Variants in RSRC1 observed in about 807,000 individuals in gnomAD.
RSRC1 encodes arginine and serine rich coiled-coil 1.
A neutral mutation model predicts 49.1 loss-of-function variants in RSRC1; 39 were observed. The observed-to-expected ratio is 0.79, with a 90% CI of 0.61 to 1.04. RSRC1 has a LOEUF of 1.04. Among genes scored for constraint, RSRC1 ranks in the 50% least tolerant of loss-of-function variants. The pLI, the probability that RSRC1 is intolerant of heterozygous loss-of-function variation, is 0.00. For synonymous variants in RSRC1, 143 were observed against 130.8 expected, an observed-to-expected ratio of 1.09 and a Z score of -0.63; for missense variants, 388 against 402.4, an observed-to-expected ratio of 0.96 and a Z score of 0.31.
chr3:158,511,626 G>C (rs2108474124), intron 7 of RSRC1, among the ~76,000 whole-genome samples: 1 of 152,182 alleles, frequency 6.6e-6, no homozygotes, highest in East Asian at 1.9e-4. Flanking sequence ...ATAGTCCTTT[G>C]GCTATATACC....
intron 3 of RSRC1, among the ~76,000 whole-genome samples, chr3:158,143,561 G>A (rs886082080): frequency 4.6e-5 from 7 of 152,038 alleles, no homozygotes; most frequent in African/African-American, 1.7e-4. Flanking sequence ...GATTGTATAT[G>A]ACTAGGTTCA....
chr3:158,378,281 C>T (rs1382725677), intron 6 of RSRC1, among the ~76,000 whole-genome samples: 5 of 151,996 alleles, frequency 3.3e-5, no homozygotes, highest in Non-Finnish European at 7.4e-5. Context: ...TTGGGTGGGA[C>T]CTTAAAAATA....
intron 3 of RSRC1, among the ~76,000 whole-genome samples, chr3:158,177,631 C>T (rs1308006131): frequency 6.6e-6 from 1 of 151,486 alleles, no homozygotes; most frequent in Non-Finnish European, 1.5e-5. Flanking sequence ...CATCACACAC[C>T]AGGGCCTGTC....
chr3:158,353,995 C>CTTCTTT (rs1731015929), intron 5 of RSRC1, among the ~76,000 whole-genome samples: 9 of 96,302 alleles, frequency 9.3e-5, no homozygotes, highest in Non-Finnish European at 1.2e-4. Context: ...GTTTCTTTTT[C>CTTCTTT]TTTTTTTTTT....
In RSRC1 at chr3:158,397,036, C is replaced by T. The variant is rs546401339; in HGVS notation, c.583+42128C>T. On this transcript the variant is annotated intron_variant, in intron 6 of 9. Transcript: ENST00000611884. ...TTATTTTACCCACAACAGTGTACCACCTTCATACTCATATTCTTTTGTCTA... is the reference window on the plus strand; with the variant it reads ...TTATTTTACCCACAACAGTGTACCATCTTCATACTCATATTCTTTTGTCTA... 9.2e-5 allele frequency among the ~76,000 whole-genome samples: 14 copies of T among 152,182 alleles called. No homozygotes were observed. The South Asian group carries it at 2.7e-3, about 29-fold the overall frequency.
intron 6 of RSRC1, among the ~76,000 whole-genome samples, chr3:158,434,317 T>G (rs1735930759): frequency 6.6e-6 from 1 of 152,038 alleles, no homozygotes; most frequent in South Asian, 2.1e-4. Context: ...TCAATTTTTC[T>G]AATTCTTTAT....
intron 6 of RSRC1, among the ~76,000 whole-genome samples, chr3:158,382,649 A>T (rs1578410549): frequency 6.6e-6 from 1 of 152,206 alleles, no homozygotes; most frequent in Non-Finnish European, 1.5e-5. Flanking sequence ...TTTCTCAGCA[A>T]AAATACCCGG....
At chr3:158,453,031 A>G (rs1354981677) in intron 6 of RSRC1, among the ~76,000 whole-genome samples, 1 of 151,964 alleles carries the variant, frequency 6.6e-6, no homozygotes, top group Non-Finnish European at 1.5e-5. Context: ...TTGCTTTTTT[A>G]TTTAATATTT....
At chr3:158,320,041 C>T (rs1278010944) in intron 5 of RSRC1, among the ~76,000 whole-genome samples, 1 of 152,144 alleles carries the variant, frequency 6.6e-6, no homozygotes, top group East Asian at 1.9e-4. Flanking sequence ...TGTAAAATAG[C>T]ATTGTTGTTA....
intron 5 of RSRC1, among the ~76,000 whole-genome samples, chr3:158,333,763 A>G (rs1729696531): frequency 6.6e-6 from 1 of 152,212 alleles, no homozygotes; most frequent in Non-Finnish European, 1.5e-5. Context: ...TTAAAAATCT[A>G]TGTGAAGTCT....
At chr3:158,275,956 G>T (rs749969663) in intron 4 of RSRC1, 4 of 751,180 alleles carry the variant, frequency 5.3e-6, no homozygotes, top group Non-Finnish European at 9.4e-6. Context: ...CCCTGTGCTT[G>T]TGGACTGGTT....
At chr3:158,338,148 A>G (rs150442040) in intron 5 of RSRC1, among the ~76,000 whole-genome samples, 1 of 151,986 alleles carries the variant, frequency 6.6e-6, no homozygotes, top group Non-Finnish European at 1.5e-5. Context: ...CATCTATGAA[A>G]TATGTATATA....
intron 4 of RSRC1, chr3:158,276,282 T>TAA (rs1578274526): frequency 2.6e-6 from 2 of 764,406 alleles, no homozygotes; most frequent in African/African-American, 3.4e-5. Flanking sequence ...TCTGCACAAT[T>TAA]TATCAGGCCA....
intron 6 of RSRC1, among the ~76,000 whole-genome samples, chr3:158,406,291 T>C (rs1734159892): frequency 6.6e-6 from 1 of 152,136 alleles, no homozygotes; most frequent in South Asian, 2.1e-4. Context: ...TATTGGGCAA[T>C]GTATTTAAAT....
At chr3:158,183,269 T>G (rs929140597) in intron 3 of RSRC1, among the ~76,000 whole-genome samples, 1 of 151,156 alleles carries the variant, frequency 6.6e-6, no homozygotes, top group African/African-American at 2.4e-5. Context: ...TTTAAGATAA[T>G]AGATTGAATT....
intron 7 of RSRC1, among the ~76,000 whole-genome samples, chr3:158,491,297 T>C (rs1432913583): frequency 6.6e-6 from 1 of 152,210 alleles, no homozygotes; most frequent in African/African-American, 2.4e-5. Flanking sequence ...AAATGAGAAG[T>C]GTTCTTCATG....
chr3:158,398,021 G>A (rs77574308), intron 6 of RSRC1, among the ~76,000 whole-genome samples: 14,186 of 151,986 alleles, frequency 0.093, 2,257 homozygotes, highest in African/African-American at 0.33. Context: ...GGTGACCCTT[G>A]GGAATGGGGT....
intron 3 of RSRC1, among the ~76,000 whole-genome samples, chr3:158,134,930 A>G (rs1453315303): frequency 1.3e-5 from 2 of 152,186 alleles, no homozygotes; most frequent in African/African-American, 4.8e-5. Context: ...TAAGTGTGTA[A>G]AACATTTGAA....
chr3:158,256,687 A>T (rs1386293436), intron 4 of RSRC1, among the ~76,000 whole-genome samples: 2 of 152,162 alleles, frequency 1.3e-5, no homozygotes, highest in African/African-American at 4.8e-5. Flanking sequence ...TCGGCTGTGA[A>T]TCCATCTGTT....
Sources: allele counts gnomAD v4.1 joint callset (sites outside exome capture counted in the v4.1 genomes callset), GRCh38; gene constraint gnomAD v4.1.1; transcripts MANE v1.5; gene names NCBI Gene and HGNC (gene_info 2026-07-23, HGNC 2026-07-21).